KIF6: variants seen among roughly 807,000 people sequenced by gnomAD.
KIF6 encodes kinesin-like protein KIF6.
A neutral mutation model predicts 112.7 loss-of-function variants in KIF6; 106 were observed. That is an observed-to-expected ratio of 0.94 (90% confidence interval 0.80 to 1.11). KIF6 has a LOEUF of 1.11. Among genes scored for constraint, KIF6 ranks in the 50% least tolerant of loss-of-function variants. The pLI is 0.00. For missense variants in KIF6, 929 were observed against 964.0 expected (o/e 0.96, Z 0.48); for synonymous variants, 339 against 339.9 (o/e 1.00, Z 0.03).
chr6:39,372,414 T>G (rs1331642246), intron 16 of KIF6, among the ~76,000 whole-genome samples: 2 of 152,218 alleles, frequency 1.3e-5, no homozygotes, highest in East Asian at 3.9e-4. Context: ...CACCTTTAAG[T>G]AAAATGATCC....
chr6:39,545,391 T>G (rs779285320), intron 11 of KIF6, among the ~76,000 whole-genome samples, 192 bp downstream of exon 11: 14 of 152,230 alleles, frequency 9.2e-5, no homozygotes, highest in Non-Finnish European at 1.9e-4. Context: ...GGCCTGAGTT[T>G]ATTTATTGGC....
intron 3 of KIF6, among the ~76,000 whole-genome samples, chr6:39,645,763 A>G (rs553343024): frequency 6.6e-6 from 1 of 152,206 alleles, no homozygotes; most frequent in African/African-American, 2.4e-5. Flanking sequence ...AATGTGGCAC[A>G]TATATACCAT....
chr6:39,373,631 C>CA lies in KIF6; in HGVS notation c.1862-11114dup, dbSNP rs201421044. Among the ~76,000 whole-genome samples the CA allele has an allele frequency of 4.6e-3, 698 of 151,632 alleles. 3 individuals carry two copies. The highest frequency in any genetic ancestry group is 0.016 in the African/African-American group (642 of 41,250). On this transcript the variant is annotated intron_variant, in intron 16 of 22. Coordinates refer to ENST00000287152, the MANE Select transcript of KIF6 (RefSeq NM_145027.6). ...ATTCCATTAATGATAGTAACAACAA[C>CA]AAAAAACCCAAAGAACAAACAAACA...
chr6:39,589,117 T>G (rs1025570306), intron 7 of KIF6, among the ~76,000 whole-genome samples: 2 of 152,222 alleles, frequency 1.3e-5, no homozygotes, highest in Non-Finnish European at 2.9e-5. Context: ...TGATTCAGCC[T>G]GTCGAGCTTA....
chr6:39,403,978 A>G (rs988473509), intron 15 of KIF6, among the ~76,000 whole-genome samples: 2 of 152,004 alleles, frequency 1.3e-5, no homozygotes, highest in African/African-American at 4.8e-5. Flanking sequence ...GGCCTTTTGC[A>G]CCCCCACCAT....
intron 19 of KIF6, among the ~76,000 whole-genome samples, chr6:39,347,887 C>G (rs1038062582): frequency 2.0e-5 from 3 of 152,350 alleles, no homozygotes; most frequent in Admixed American, 1.3e-4. Flanking sequence ...CTGGGGAAGC[C>G]CCCCCTCACC....
chr6:39,670,604 G>A (rs997250545), intron 3 of KIF6, among the ~76,000 whole-genome samples: 3 of 152,056 alleles, frequency 2.0e-5, no homozygotes, highest in Non-Finnish European at 2.9e-5. Context: ...TTGCAGACTC[G>A]GGGTGGGTGA....
rs560945382 is a variant in KIF6, at chr6:39,352,853, C to T, written c.2180+4424G>A. Among the ~76,000 whole-genome samples, 4 of 152,184 alleles carry T rather than the reference C, an allele frequency of 2.6e-5. No individual in the cohort carries two copies. The South Asian group carries it at 8.3e-4, about 32-fold the overall frequency. On this transcript the variant is annotated intron_variant, in intron 19 of 22. Coordinates refer to ENST00000287152, the MANE Select transcript of KIF6 (RefSeq NM_145027.6). Reference sequence around the variant, plus strand: ...TCCTGACCTCAAGTGATCCACCCACCTTGGCCTCCCAAAGTGCTGGGATAA... The same window carrying T: ...TCCTGACCTCAAGTGATCCACCCACTTTGGCCTCCCAAAGTGCTGGGATAA...
chr6:39,348,074 T>C (rs1763946445), intron 19 of KIF6, among the ~76,000 whole-genome samples: 1 of 152,226 alleles, frequency 6.6e-6, no homozygotes. Context: ...TCAAGGCTCC[T>C]GCTGAGTGGT....
intron 9 of KIF6, among the ~76,000 whole-genome samples, chr6:39,579,187 A>T (rs1007865469): frequency 1.3e-5 from 2 of 152,192 alleles, no homozygotes; most frequent in African/African-American, 4.8e-5. Flanking sequence ...ACAAATTTAC[A>T]TTCCTATCAA....
chr6:39,370,307 A>G (rs1765871376), intron 16 of KIF6, among the ~76,000 whole-genome samples: 1 of 152,196 alleles, frequency 6.6e-6, no homozygotes. Flanking sequence ...TGCACCTATA[A>G]GAGCCAGCAC....
intron 13 of KIF6, among the ~76,000 whole-genome samples, chr6:39,529,351 A>C (rs888728933): frequency 5.3e-5 from 8 of 152,236 alleles, no homozygotes; most frequent in Admixed American, 1.3e-4. Flanking sequence ...AATGTAAACA[A>C]CAGAGAGCAG....
intron 19 of KIF6, among the ~76,000 whole-genome samples, chr6:39,353,242 T>C (rs1477648032): frequency 6.6e-6 from 1 of 152,190 alleles, no homozygotes; most frequent in Non-Finnish European, 1.5e-5. Flanking sequence ...GGAATTGTCA[T>C]TTTTTGTTTT....
intron 6 of KIF6, among the ~76,000 whole-genome samples, chr6:39,600,798 A>C (rs1274041568): frequency 1.3e-5 from 2 of 152,192 alleles, no homozygotes. Flanking sequence ...TCACACACCA[A>C]AAATCTCAGA....
chr6:39,535,540 C>A (rs1352880745), intron 13 of KIF6, among the ~76,000 whole-genome samples: 1 of 152,230 alleles, frequency 6.6e-6, no homozygotes, highest in Non-Finnish European at 1.5e-5. Context: ...GCAACCAATA[C>A]AGGAGCACCC....
chr6:39,601,892 G>C (rs572650639), intron 6 of KIF6, among the ~76,000 whole-genome samples: 3 of 152,234 alleles, frequency 2.0e-5, no homozygotes, highest in Non-Finnish European at 4.4e-5. Flanking sequence ...ACATGAAGCA[G>C]TGGGGCAGAC....
At chr6:39,349,518 G>GAAGA (rs1764053146) in intron 19 of KIF6, among the ~76,000 whole-genome samples, 2 of 151,834 alleles carry the variant, frequency 1.3e-5, no homozygotes, top group African/African-American at 4.8e-5. Flanking sequence ...AGGGATGGGA[G>GAAGA]AAGAGGCGAG....
At chr6:39,636,050 AG>A (rs1784609324) in intron 4 of KIF6, among the ~76,000 whole-genome samples, 1 of 151,962 alleles carries the variant, frequency 6.6e-6, no homozygotes, top group Non-Finnish European at 1.5e-5. Context: ...CAAGTCACAG[AG>A]ATAGGAGAGA....
rs775991191 is a variant in KIF6 at position 39,369,016 on chromosome 6, G to A, written c.1862-6498C>T. 2.7e-4 allele frequency among the ~76,000 whole-genome samples: 41 copies of A among 152,296 alleles called. 1 individual carries two copies. The highest frequency in any genetic ancestry group is 4.4e-4 in the Non-Finnish European group (30 of 68,024). ...GATTCATTTGCTGAATACCCACTCT[G>A]GGCCTCCTTGGGGCTCAGCTGTCTC... On this transcript the variant is annotated intron_variant, in intron 16 of 22. Transcript: ENST00000287152.
Sources: gnomAD v4.1 joint callset for allele counts (sites outside exome capture counted in the v4.1 genomes callset) on GRCh38, gnomAD v4.1.1 for gene constraint, MANE v1.5 for transcripts, NCBI Gene and HGNC (gene_info 2026-07-23, HGNC 2026-07-21) for gene names.